The following COL15A1 variants were observed in gnomAD, a reference collection of about 807,000 sequenced individuals.
COL15A1 encodes collagen alpha-1(XV) chain.
Under a neutral mutation model 165.9 loss-of-function variants are expected in COL15A1, and 111 were observed. The observed-to-expected ratio is 0.67, with a 90% CI of 0.57 to 0.78. COL15A1 has a LOEUF of 0.78. Ranked by LOEUF, COL15A1 falls within the 30% of genes least tolerant of loss-of-function variation. COL15A1 has a pLI of 0.00. For missense variants in COL15A1, 1,745 were observed against 1,789.7 expected (o/e 0.98, Z 0.45); for synonymous variants, 659 against 674.8 (o/e 0.98, Z 0.36).
Position 98,997,003 on chromosome 9 carries a change from C to T in COL15A1, c.874C>T (p.Leu292Phe), listed in dbSNP as rs1838558837. ...TPSSPFEDME[L>F]SGEPVPEGTL... ...ATCCTCCCCCTTTGAAGACATGGAA[C>T]TTTCTGGTGAACCTGTACCCGAGGG... The change falls in exon 6 of 42, where the codon CTT (leucine) becomes TTT (phenylalanine). Residue 292 changes from leucine (L) to phenylalanine (F), a missense_variant. Coordinates refer to ENST00000375001, the MANE Select transcript of COL15A1 (RefSeq NM_001855.5). 1 of 1,614,224 alleles carries T rather than the reference C, an allele frequency of 6.2e-7. No homozygotes were observed. The highest frequency in any genetic ancestry group is 8.5e-7 in the Non-Finnish European group (1 of 1,180,042).
At chr9:99,014,105 G>T (rs972538618) in intron 9 of COL15A1, among the ~76,000 whole-genome samples, 3 of 152,122 alleles carry the variant, frequency 2.0e-5, no homozygotes, top group Non-Finnish European at 4.4e-5. Flanking sequence ...ATGGGAGAAA[G>T]ATCAGAACAA....
chr9:99,068,954 TAAAATGAATATATGTG>T lies in COL15A1; in HGVS notation c.3953+289_3953+304del, dbSNP rs1385090206. On this transcript the variant is annotated intron_variant, in intron 41 of 41. Coordinates refer to ENST00000375001, the MANE Select transcript of COL15A1 (RefSeq NM_001855.5). ...CATCTATGTCATAGAATTGTGAGAA[TAAAATGAATATATGTG>T]AAAACATATAGCACGCAGTGGGCAC... Among the ~76,000 whole-genome samples the T allele has an allele frequency of 1.1e-4, 16 of 152,278 alleles. 1 individual carries two copies. In the South Asian group the frequency reaches 2.9e-3, roughly 28 times the overall value.
chr9:99,049,852 A>G lies in COL15A1; in HGVS notation c.2863-2A>G, dbSNP rs1839554901. 1 of 1,614,102 alleles carries G rather than the reference A, an allele frequency of 6.2e-7. No homozygotes were observed. Among genetic ancestry groups the G allele is most frequent in the Admixed American group, 1.7e-5 (1 of 60,008 alleles). ...CACCTCTCTTGTTCTCATTACCCAC[A>G]GGCCATTTTCCCAATACCCGTCCGA... On this transcript the variant is annotated splice_acceptor_variant, in intron 29 of 41. Coordinates refer to ENST00000375001, the MANE Select transcript of COL15A1 (RefSeq NM_001855.5). LOFTEE classifies it high-confidence loss of function.
chr9:99,041,898 T>A lies in COL15A1; in HGVS notation c.2512-147T>A. 5.0e-6 allele frequency: 3 copies of A among 600,198 alleles called. No individual in the cohort carries two copies. The South Asian group carries it at 6.9e-5, about 14-fold the overall frequency. The allele number at this position is 600,198 out of a possible 1,614,324, so 37.2% of individuals were successfully genotyped here. ...ACCACAGTTTCTGGACCACTTAAGG[T>A]TAAGAAAATGTCATAGGTAATCATG... On this transcript the variant is annotated intron_variant, in intron 23 of 41. Transcript: ENST00000375001.
chr9:99,052,733 A>G (rs1361007445), intron 31 of COL15A1, among the ~76,000 whole-genome samples: 3 of 152,128 alleles, frequency 2.0e-5, no homozygotes, highest in Non-Finnish European at 2.9e-5. Flanking sequence ...ACTTGGTATG[A>G]TCTGCACTGG....
Position 98,989,246 on chromosome 9 carries a change from C to T in COL15A1, c.792C>T (p.Tyr264=), listed in dbSNP as rs1157705958. 6.8e-6 allele frequency: 11 copies of T among 1,613,614 alleles called. No homozygotes were observed. The highest frequency in any genetic ancestry group is 9.3e-6 in the Non-Finnish European group (11 of 1,179,592). The change falls in exon 5 of 42, where the codon TAC becomes TAT. Residue 264 remains tyrosine (Y), a synonymous_variant. Transcript: ENST00000375001. ...CTGAGATCTTAGAAGCCGTCACCTACACTCAAGCCTCGGTGAGTACTGGGA... is the reference window on the plus strand; with the variant it reads ...CTGAGATCTTAGAAGCCGTCACCTATACTCAAGCCTCGGTGAGTACTGGGA... ...GVAEILEAVT[Y]TQASPKEAKV... is the part of the protein sequence containing the mutation.
chr9:99,014,131 T>G (rs1431213526), intron 9 of COL15A1, among the ~76,000 whole-genome samples: 1 of 152,148 alleles, frequency 6.6e-6, no homozygotes, highest in Non-Finnish European at 1.5e-5. Context: ...AAAAAAACCC[T>G]AACAACATGA....
intron 8 of COL15A1, 131 bp from the exon 9 acceptor site, chr9:99,004,767 G>A: frequency 1.0e-6 from 1 of 978,566 alleles, no homozygotes; most frequent in Non-Finnish European, 1.6e-6. Context: ...ATGTCTCACT[G>A]TGGGTTTCCA....
intron 2 of COL15A1, among the ~76,000 whole-genome samples, chr9:98,951,109 G>A (rs893026349): frequency 2.6e-5 from 4 of 152,162 alleles, no homozygotes; most frequent in Non-Finnish European, 5.9e-5. Flanking sequence ...CACACCTGAA[G>A]TTTTGCCTCA....
At chr9:98,960,102 A>C (rs530217753) in intron 2 of COL15A1, among the ~76,000 whole-genome samples, 1 of 152,264 alleles carries the variant, frequency 6.6e-6, no homozygotes, top group South Asian at 2.1e-4. Flanking sequence ...ATCATCCAGG[A>C]GCTCATTAGA....
chr9:98,995,838 C>T (rs1838534147), intron 5 of COL15A1, among the ~76,000 whole-genome samples: 1 of 152,172 alleles, frequency 6.6e-6, no homozygotes, highest in South Asian at 2.1e-4. Context: ...GTGCTTAGCC[C>T]TTCCATGCAT....
At chr9:98,962,441 G>A (rs577937948) in intron 2 of COL15A1, among the ~76,000 whole-genome samples, 2 of 152,316 alleles carry the variant, frequency 1.3e-5, no homozygotes, top group African/African-American at 4.8e-5. Context: ...TTTCCTGGAG[G>A]ATTTTACTCA....
chr9:99,026,773 C>T (rs899165252), intron 16 of COL15A1, among the ~76,000 whole-genome samples: 1 of 152,204 alleles, frequency 6.6e-6, no homozygotes, highest in African/African-American at 2.4e-5. Flanking sequence ...GAAAGCACCC[C>T]TCCTTCCTCC....
chr9:99,054,230 C>T (rs1307947472), intron 31 of COL15A1, among the ~76,000 whole-genome samples: 1 of 152,230 alleles, frequency 6.6e-6, no homozygotes, highest in Non-Finnish European at 1.5e-5. Flanking sequence ...GGTGCTGAGT[C>T]TCTGTCTTCA....
At chr9:98,992,888 AG>A (rs549038527) in intron 5 of COL15A1, among the ~76,000 whole-genome samples, 2 of 152,164 alleles carry the variant, frequency 1.3e-5, no homozygotes, top group Non-Finnish European at 2.9e-5. Context: ...GTGTCAGCCA[AG>A]GGGGGCTATG....
chr9:99,034,347 G>A (rs1046927599), intron 16 of COL15A1, among the ~76,000 whole-genome samples: 7 of 152,166 alleles, frequency 4.6e-5, no homozygotes, highest in Admixed American at 1.3e-4. Flanking sequence ...TTGAAAAGTG[G>A]GTTTCACAAG....
chr9:99,020,482 G>T (rs1463963697), intron 12 of COL15A1, 40 bp downstream of exon 12: 1 of 1,411,354 alleles, frequency 7.1e-7, no homozygotes, highest in Non-Finnish European at 1.0e-6. Flanking sequence ...TTTGGCTCCT[G>T]ATCAAGTGTC....
At chr9:98,952,749 C>A (rs898946874) in intron 2 of COL15A1, among the ~76,000 whole-genome samples, 2 of 152,274 alleles carry the variant, frequency 1.3e-5, no homozygotes, top group East Asian at 1.9e-4. Context: ...CCCCCAAGTA[C>A]TAATTAAAGT....
At chr9:99,052,472 A>T (rs928467788) in intron 31 of COL15A1, 39 bp downstream of exon 31, 7 of 1,515,392 alleles carry the variant, frequency 4.6e-6, no homozygotes, top group Non-Finnish European at 6.4e-6. Flanking sequence ...TCTCTGGGAC[A>T]TCTCCTTGAG....
Sources: allele counts gnomAD v4.1 joint callset (sites outside exome capture counted in the v4.1 genomes callset), GRCh38; gene constraint gnomAD v4.1.1; transcripts MANE v1.5; gene names NCBI Gene and HGNC (gene_info 2026-07-23, HGNC 2026-07-21).